The following PTPRQ variants were observed in gnomAD, a reference collection of about 807,000 sequenced individuals.
The protein encoded by PTPRQ is phosphatidylinositol phosphatase PTPRQ.
In PTPRQ, 199 loss-of-function variants were observed where a neutral mutation model predicts 246.0. The observed-to-expected ratio is 0.81, with a 90% confidence interval of 0.72 to 0.91. The LOEUF is 0.91. Among genes scored for constraint, PTPRQ ranks in the 40% least tolerant of loss-of-function variants. The pLI, the probability that PTPRQ is intolerant of heterozygous loss-of-function variation, is 0.00. For missense variants in PTPRQ, 2,624 were observed against 2,528.4 expected, an observed-to-expected ratio of 1.04 and a Z score of -0.81; for synonymous variants, 869 against 853.2, an observed-to-expected ratio of 1.02 and a Z score of -0.32.
At chr12:80,641,883 T>TGCTCTCTCTCTCTC (rs1372648380) in intron 35 of PTPRQ, among the ~76,000 whole-genome samples, 5 of 150,964 alleles carry the variant, frequency 3.3e-5, no homozygotes, top group Admixed American at 6.6e-5. Flanking sequence ...CTCTCTCTCT[T>TGCTCTCTCTCTCTC]GCTCTCTCTC....
chr12:80,543,343 T>TG (rs1019849972), intron 23 of PTPRQ, among the ~76,000 whole-genome samples: 3 of 151,568 alleles, frequency 2.0e-5, no homozygotes, highest in Non-Finnish European at 4.4e-5. Context: ...CCTTATTTTT[T>TG]TTTTATTTTC....
chr12:80,596,997 C>T (rs1897991019), intron 26 of PTPRQ, among the ~76,000 whole-genome samples: 1 of 151,944 alleles, frequency 6.6e-6, no homozygotes, highest in African/African-American at 2.4e-5. Context: ...AGTCTACACT[C>T]TTAGATCTTG....
chr12:80,539,828 C>T lies in PTPRQ; in HGVS notation c.3038C>T (p.Thr1013Ile). 1 of 1,548,096 alleles carries T rather than the reference C, an allele frequency of 6.5e-7. No homozygotes were observed. The highest frequency in any genetic ancestry group is 8.7e-7 in the Non-Finnish European group (1 of 1,145,612). Residue 1013 changes from threonine (T) to isoleucine (I), a missense_variant, in exon 20 of 45, where the codon ACA becomes ATA. Coordinates refer to ENST00000644991, the MANE Select transcript of PTPRQ (RefSeq NM_001145026.2). ...GACTTTGACAATATGACTGTATCCA[C>T]AATTATAGATAAACTGACAATATTC... ...TNDFDNMTVS[T>I]IIDKLTIFSY...
At chr12:80,533,433 G>C (rs1895900210) in intron 17 of PTPRQ, among the ~76,000 whole-genome samples, 1 of 151,918 alleles carries the variant, frequency 6.6e-6, no homozygotes, top group Non-Finnish European at 1.5e-5. Flanking sequence ...AGAGGTGTGA[G>C]CTATATTTTC....
rs1363270589 is a variant in PTPRQ at position 80,605,093 on chromosome 12, A to G, written c.4644A>G (p.Val1548=). Residue 1548 remains valine (V), a synonymous_variant, in exon 27 of 45, where the codon GTA becomes GTG. Transcript: ENST00000644991. ...PDGPPENVHV[V]ATSPFSISIS... Reference sequence around the variant, plus strand: ...GTCCTCCTGAAAATGTTCATGTAGTAGCAACATCACCTTTTAGCATCAGCA... The same window carrying G: ...GTCCTCCTGAAAATGTTCATGTAGTGGCAACATCACCTTTTAGCATCAGCA... 2.2e-5 allele frequency: 34 copies of G among 1,544,712 alleles called. No individual in the cohort carries two copies. The highest frequency in any genetic ancestry group is 3.0e-5 in the Non-Finnish European group (34 of 1,142,930).
intron 23 of PTPRQ, among the ~76,000 whole-genome samples, chr12:80,544,757 C>T (rs943725688): frequency 6.6e-6 from 1 of 152,074 alleles, no homozygotes; most frequent in East Asian, 1.9e-4. Flanking sequence ...CCCTGATATC[C>T]TGACAGTATC....
chr12:80,502,161 C>T (rs7980634), intron 14 of PTPRQ, among the ~76,000 whole-genome samples: 48,697 of 151,558 alleles, frequency 0.32, 9,080 homozygotes, highest in African/African-American at 0.51. Flanking sequence ...CCAGTGCAGA[C>T]GTGGAGGGAT....
At chr12:80,549,244 T>A (rs1447718138) in intron 24 of PTPRQ, among the ~76,000 whole-genome samples, 1 of 152,156 alleles carries the variant, frequency 6.6e-6, no homozygotes, top group Admixed American at 6.6e-5. Flanking sequence ...ATTTAGTGAC[T>A]GGTTCAATAC....
intron 8 of PTPRQ, among the ~76,000 whole-genome samples, chr12:80,482,028 T>C (rs1323552982): frequency 1.4e-5 from 2 of 145,424 alleles, no homozygotes; most frequent in East Asian, 3.9e-4. Flanking sequence ...AAAACTACTT[T>C]AAAGTTCATA....
chr12:80,547,988 G>A (rs1896358834), intron 24 of PTPRQ, among the ~76,000 whole-genome samples: 1 of 152,138 alleles, frequency 6.6e-6, no homozygotes, highest in South Asian at 2.1e-4. Context: ...TTCTAGTGAA[G>A]AGTGGACATG....
At chr12:80,607,757 A>G (rs1389422066) in intron 27 of PTPRQ, among the ~76,000 whole-genome samples, 1 of 150,898 alleles carries the variant, frequency 6.6e-6, no homozygotes, top group Non-Finnish European at 1.5e-5. Context: ...GTAAACAAAA[A>G]TTGTCAATCT....
chr12:80,673,123 A>C, intron 42 of PTPRQ, 46 bp from the exon 43 acceptor site: 1 of 1,544,016 alleles, frequency 6.5e-7, no homozygotes, highest in Middle Eastern at 1.9e-4. Context: ...ATCAAAATGA[A>C]CAACCCTTTG....
intron 27 of PTPRQ, among the ~76,000 whole-genome samples, chr12:80,608,549 A>G (rs1248607223): frequency 6.7e-6 from 1 of 148,914 alleles, no homozygotes; most frequent in Non-Finnish European, 1.5e-5. Flanking sequence ...GAAGAGTATA[A>G]TTTATAAATT....
Position 80,678,613 on chromosome 12 carries a change from C to CT in PTPRQ, c.6755dup (p.Leu2252PhefsTer12). 6.5e-7 allele frequency: 1 copy of CT among 1,548,412 alleles called. No individual in the cohort carries two copies. Among genetic ancestry groups the CT allele is most frequent in the Non-Finnish European group, 8.7e-7 (1 of 1,145,318 alleles). On this transcript the variant is annotated frameshift_variant, in exon 44 of 45. Coordinates refer to ENST00000644991, the MANE Select transcript of PTPRQ (RefSeq NM_001145026.2). LOFTEE classifies it high-confidence loss of function. ...TCTTTGGTGTCTAGGCACAGTATAT[C>CT]TTTTTACACCAGTGCATTCTGGATC...
chr12:80,460,002 A>G (rs1893104216), intron 5 of PTPRQ, among the ~76,000 whole-genome samples: 1 of 152,230 alleles, frequency 6.6e-6, no homozygotes, highest in South Asian at 2.1e-4. Context: ...TACTCTGGTC[A>G]TTGATGATAA....
rs573043002 is a variant in PTPRQ at position 80,455,974 on chromosome 12, C to A, written c.391-1601C>A. Reference sequence around the variant, plus strand: ...TACAGAAAGATGAGCTTATAAAAAGCAGTGCTAAATTAGGCCACAGGAAAA... The same window carrying A: ...TACAGAAAGATGAGCTTATAAAAAGAAGTGCTAAATTAGGCCACAGGAAAA... On this transcript the variant is annotated intron_variant, in intron 3 of 44. Coordinates refer to ENST00000644991, the MANE Select transcript of PTPRQ (RefSeq NM_001145026.2). Among the ~76,000 whole-genome samples, 3 of 152,156 alleles carry A rather than the reference C, an allele frequency of 2.0e-5. No homozygotes were observed. The East Asian group carries it at 5.8e-4, about 29-fold the overall frequency.
chr12:80,451,092 C>T (rs1415471159), intron 3 of PTPRQ, among the ~76,000 whole-genome samples: 3 of 152,214 alleles, frequency 2.0e-5, no homozygotes, highest in Non-Finnish European at 4.4e-5. Flanking sequence ...CAACTTCTTC[C>T]TGGTTTAGTC....
At position 80,493,286 on chromosome 12, in the gene PTPRQ, C is replaced by A. The variant is rs1199508154; in HGVS notation, c.1371C>A (p.Asp457Glu). 3 of 1,533,830 alleles carry A rather than the reference C, an allele frequency of 2.0e-6. No homozygotes were observed. Among genetic ancestry groups the A allele is most frequent in the Non-Finnish European group, 2.6e-6 (3 of 1,139,136 alleles). The change falls in exon 10 of 45, where the codon GAC (aspartate) becomes GAA (glutamate). Residue 457 changes from aspartate to glutamate, a missense_variant. Coordinates refer to ENST00000644991, the MANE Select transcript of PTPRQ (RefSeq NM_001145026.2). ...LLTGNNEYIN[D>E]PMAPEIVNIV... ...ACTTTTAATTACAGTATATAAATGACCCCATGGCTCCAGAAATTGTGAACA... is the reference window on the plus strand; with the variant it reads ...ACTTTTAATTACAGTATATAAATGAACCCATGGCTCCAGAAATTGTGAACA...
At chr12:80,626,668 C>G (rs1899212118) in intron 33 of PTPRQ, among the ~76,000 whole-genome samples, 1 of 152,174 alleles carries the variant, frequency 6.6e-6, no homozygotes, top group Non-Finnish European at 1.5e-5. Flanking sequence ...GGCAGCGTGA[C>G]CTCAGTCAGT....
Sources: gnomAD v4.1 joint callset for allele counts (sites outside exome capture counted in the v4.1 genomes callset) on GRCh38, gnomAD v4.1.1 for gene constraint, MANE v1.5 for transcripts, NCBI Gene and HGNC (gene_info 2026-07-23, HGNC 2026-07-21) for gene names.